Variants in BCL2 observed in about 807,000 individuals in gnomAD.
BCL2 encodes the protein BCL2 apoptosis regulator.
BCL2 carries 1 observed loss-of-function variant against 14.2 expected under a neutral mutation model. That is an observed-to-expected ratio of 0.07 (90% confidence interval 0.02 to 0.33). BCL2 has a LOEUF of 0.33. Ranked by LOEUF, BCL2 falls within the 10% of genes least tolerant of loss-of-function variation. The pLI, the probability that BCL2 is intolerant of heterozygous loss-of-function variation, is 0.99. For missense variants in BCL2, 247 were observed against 305.9 expected (o/e 0.81, Z 1.44); for synonymous variants, 151 against 137.2 (o/e 1.10, Z -0.70).
At chr18:63,135,550 G>A (rs1018265974) in intron 2 of BCL2, among the ~76,000 whole-genome samples, 1 of 152,094 alleles carries the variant, frequency 6.6e-6, no homozygotes, top group South Asian at 2.1e-4. Context: ...ACTTCTCTGA[G>A]AAAACTGGGA....
intron 2 of BCL2, among the ~76,000 whole-genome samples, chr18:63,280,296 C>T (rs9961796): frequency 0.043 from 6,486 of 152,116 alleles, 346 homozygotes; most frequent in African/African-American, 0.12. Context: ...CCTCAGTTTC[C>T]GTATCTATTA....
chr18:63,146,998 T>C (rs751632948), intron 2 of BCL2, among the ~76,000 whole-genome samples: 4 of 152,344 alleles, frequency 2.6e-5, no homozygotes, highest in South Asian at 2.1e-4. Flanking sequence ...CTTTTAATGT[T>C]TGGCAATGGA....
chr18:63,194,145 T>G (rs1599236156), intron 2 of BCL2, among the ~76,000 whole-genome samples: 1 of 152,186 alleles, frequency 6.6e-6, no homozygotes, highest in East Asian at 1.9e-4. Context: ...CAGGCTGGAA[T>G]TTTTGTCTAT....
chr18:63,133,044 T>A (rs1223813429), intron 2 of BCL2, among the ~76,000 whole-genome samples: 1 of 152,220 alleles, frequency 6.6e-6, no homozygotes, highest in Admixed American at 6.5e-5. Flanking sequence ...CTGGTGGCTC[T>A]GTCCACAGTG....
intron 2 of BCL2, among the ~76,000 whole-genome samples, chr18:63,187,551 C>T (rs941025237): frequency 2.0e-5 from 3 of 152,198 alleles, no homozygotes; most frequent in Non-Finnish European, 4.4e-5. Context: ...GTGGGCACAG[C>T]CCCCTACACC....
chr18:63,227,074 T>C (rs12964435), intron 2 of BCL2, among the ~76,000 whole-genome samples: 24,498 of 151,366 alleles, frequency 0.16, 2,108 homozygotes, highest in Non-Finnish European at 0.19. Context: ...TTTAAAGCAA[T>C]ATGAGAGAGA....
intron 2 of BCL2, among the ~76,000 whole-genome samples, chr18:63,280,534 T>G (rs1341171766): frequency 6.6e-6 from 1 of 152,096 alleles, no homozygotes; most frequent in African/African-American, 2.4e-5. Context: ...GAACAGACAT[T>G]TCTCTAAAAA....
chr18:63,236,863 G>C (rs962341960), intron 2 of BCL2, among the ~76,000 whole-genome samples: 1 of 152,120 alleles, frequency 6.6e-6, no homozygotes, highest in Non-Finnish European at 1.5e-5. Context: ...TTCTGCTCTG[G>C]GCTCTTCTTG....
chr18:63,288,315 C>A (rs1234821540), intron 2 of BCL2, among the ~76,000 whole-genome samples: 1 of 152,208 alleles, frequency 6.6e-6, no homozygotes, highest in Non-Finnish European at 1.5e-5. Flanking sequence ...ATTTTAGGCA[C>A]ATTATCCATT....
At position 63,282,713 on chromosome 18, in the gene BCL2, CA is replaced by C. The variant is rs1489655222; in HGVS notation, c.585+35368del. 1.3e-5 allele frequency among the ~76,000 whole-genome samples: 2 copies of C among 152,134 alleles called. 1 individual carries two copies. Among genetic ancestry groups the C allele is most frequent in the African/African-American group, 4.8e-5 (2 of 41,476 alleles). On this transcript the variant is annotated intron_variant, in intron 2 of 2. Coordinates refer to ENST00000333681, the MANE Select transcript of BCL2 (RefSeq NM_000633.3). The stretch of plus-strand genomic sequence containing the variant: ...AAGGCACTGAATCTTTGTAATTAGA[CA>C]AAGTAAGATCATGTATGTCAAAATA...
intron 2 of BCL2, among the ~76,000 whole-genome samples, chr18:63,278,247 T>C (rs540426290): frequency 1.3e-5 from 2 of 152,318 alleles, no homozygotes; most frequent in Admixed American, 6.5e-5. Context: ...AAAAGTCACC[T>C]GGAAGCCCAA....
At chr18:63,166,815 G>A (rs972949519) in intron 2 of BCL2, among the ~76,000 whole-genome samples, 8 of 152,162 alleles carry the variant, frequency 5.3e-5, no homozygotes, top group Non-Finnish European at 7.3e-5. Context: ...GGACACTATC[G>A]TCTTATACAG....
At chr18:63,142,145 C>T (rs1446273219) in intron 2 of BCL2, among the ~76,000 whole-genome samples, 3 of 152,208 alleles carry the variant, frequency 2.0e-5, no homozygotes, top group African/African-American at 7.2e-5. Context: ...TAAGTGTTGA[C>T]TGAGGCTGGT....
At chr18:63,217,136 TA>T (rs1910228675) in intron 2 of BCL2, among the ~76,000 whole-genome samples, 1 of 152,212 alleles carries the variant, frequency 6.6e-6, no homozygotes, top group African/African-American at 2.4e-5. Flanking sequence ...TTATGTTCTC[TA>T]GCATTCCTGA....
chr18:63,166,749 T>G (rs145746846), intron 2 of BCL2, among the ~76,000 whole-genome samples: 217 of 152,282 alleles, frequency 1.4e-3, no homozygotes, highest in African/African-American at 4.6e-3. Context: ...ATAGGTTAAG[T>G]TTGGTTAGTA....
chr18:63,126,311 G>T lies in BCL2; in HGVS notation c.*2314C>A, dbSNP rs767060901. 2 of 221,184 alleles carry T rather than the reference G, an allele frequency of 9.0e-6. No individual in the cohort carries two copies. The highest frequency in any genetic ancestry group is 1.8e-5 in the Non-Finnish European group (2 of 110,090). 13.7% of individuals were successfully genotyped at this position (221,184 alleles called of 1,614,324 possible). On this transcript the variant is annotated 3_prime_UTR_variant, in exon 3 of 3. Transcript: ENST00000333681. ...GACCCTGAAGGACAGCCATGAGAAAGCCCCCGCGGAAGGAGGGCAGGAGGG... is the reference window on the plus strand; with the variant it reads ...GACCCTGAAGGACAGCCATGAGAAATCCCCCGCGGAAGGAGGGCAGGAGGG...
At position 63,312,047 on chromosome 18, in the gene BCL2, G is replaced by A. The variant is rs192418845; in HGVS notation, c.585+6035C>T. Among the ~76,000 whole-genome samples, 4 of 152,344 alleles carry A rather than the reference G, an allele frequency of 2.6e-5. No individual in the cohort carries two copies. The East Asian group carries it at 7.7e-4, about 29-fold the overall frequency. On this transcript the variant is annotated intron_variant, in intron 2 of 2. Coordinates refer to ENST00000333681, the MANE Select transcript of BCL2 (RefSeq NM_000633.3). ...CACAGGTTAAAGTTTATAATCACTA[G>A]AGGAAAAGGATAGTGTCTGGTCACA...
At chr18:63,156,508 G>A (rs1026003052) in intron 2 of BCL2, among the ~76,000 whole-genome samples, 1 of 152,154 alleles carries the variant, frequency 6.6e-6, no homozygotes, top group African/African-American at 2.4e-5. Context: ...CATCCCCATG[G>A]AGAACCACTG....
chr18:63,281,723 A>AGAAG (rs1320611429), intron 2 of BCL2, among the ~76,000 whole-genome samples: 39 of 150,248 alleles, frequency 2.6e-4, no homozygotes, highest in African/African-American at 7.4e-4. Context: ...AAAGAAAGAA[A>AGAAG]GAAAGAAAGA....
Sources: allele counts gnomAD v4.1 joint callset (sites outside exome capture counted in the v4.1 genomes callset), GRCh38; gene constraint gnomAD v4.1.1; transcripts MANE v1.5; gene names NCBI Gene and HGNC (gene_info 2026-07-23, HGNC 2026-07-21).